The following PLD1 variants were observed in gnomAD, a reference collection of about 807,000 sequenced individuals.
The protein encoded by PLD1 is choline phosphatase 1.
In PLD1, 112 loss-of-function variants were observed where a neutral mutation model predicts 137.1. That is an observed-to-expected ratio of 0.82 (90% confidence interval 0.70 to 0.96). PLD1 has a LOEUF of 0.96. Among genes scored for constraint, PLD1 ranks in the 40% least tolerant of loss-of-function variants. PLD1 has a pLI of 0.00. For synonymous variants in PLD1, 431 were observed against 454.7 expected, an observed-to-expected ratio of 0.95 and a Z score of 0.66; for missense variants, 1,321 against 1,342.0, an observed-to-expected ratio of 0.98 and a Z score of 0.24.
intron 1 of PLD1, among the ~76,000 whole-genome samples, chr3:171,794,151 A>AT (rs1578479182): frequency 6.6e-6 from 1 of 152,042 alleles, no homozygotes; most frequent in Non-Finnish European, 1.5e-5. Flanking sequence ...TCTCAAAAAA[A>AT]AAAAAAGAAA....
intron 1 of PLD1, among the ~76,000 whole-genome samples, chr3:171,783,698 A>C (rs777518594): frequency 1.2e-4 from 18 of 152,248 alleles, no homozygotes; most frequent in Middle Eastern, 3.4e-3. Context: ...GCTGGAGTAC[A>C]GTAGTACAAT....
chr3:171,743,911 T>G (rs1719954216), intron 1 of PLD1, among the ~76,000 whole-genome samples: 1 of 152,196 alleles, frequency 6.6e-6, no homozygotes, highest in Admixed American at 6.5e-5. Context: ...ACATAATCAA[T>G]GAGCTGTCCA....
intron 1 of PLD1, among the ~76,000 whole-genome samples, 184 bp from the exon 2 acceptor site, chr3:171,738,266 T>C (rs528816837): frequency 6.6e-6 from 1 of 151,778 alleles, no homozygotes; most frequent in South Asian, 2.1e-4. Context: ...GATTCCTAAC[T>C]TGTAAATTAA....
chr3:171,605,515 T>A, intron 25 of PLD1, 99 bp from the exon 26 acceptor site: 1 of 721,958 alleles, frequency 1.4e-6, no homozygotes, highest in Non-Finnish European at 2.5e-6. Flanking sequence ...CAAATATATA[T>A]ATGCAAATTA....
chr3:171,659,200 CA>C lies in PLD1; in HGVS notation c.2429+12del. On this transcript the variant is annotated intron_variant, in intron 21 of 26. Transcript: ENST00000351298. ...AACATCTGCAGCGAGAACTCTCAGC[CA>C]AAGGCTGTTACCTGTGAGCTTTCAG... 6.3e-7 allele frequency: 1 copy of C among 1,579,514 alleles called. No homozygotes were observed. Among genetic ancestry groups the C allele is most frequent in the Non-Finnish European group, 8.7e-7 (1 of 1,148,688 alleles).
intron 1 of PLD1, among the ~76,000 whole-genome samples, chr3:171,757,251 G>A (rs541443888): frequency 1.5e-4 from 23 of 152,198 alleles, no homozygotes; most frequent in African/African-American, 5.5e-4. Flanking sequence ...ATCATACTGG[G>A]AACTATTATC....
At chr3:171,635,896 T>G (rs1230886015) in intron 23 of PLD1, among the ~76,000 whole-genome samples, 1 of 151,330 alleles carries the variant, frequency 6.6e-6, no homozygotes, top group Non-Finnish European at 1.5e-5. Context: ...TAGTTTTAGT[T>G]TTTACATTTA....
intron 8 of PLD1, among the ~76,000 whole-genome samples, chr3:171,718,040 A>G (rs1717805258): frequency 6.6e-6 from 1 of 152,232 alleles, no homozygotes; most frequent in African/African-American, 2.4e-5. Context: ...ATCAATTTGC[A>G]TATGTTGAAC....
chr3:171,665,705 GA>G lies in PLD1; in HGVS notation c.2230-3536del, dbSNP rs56307995. 4.5e-3 allele frequency among the ~76,000 whole-genome samples: 584 copies of G among 130,454 alleles called. 2 individuals carry two copies. The highest frequency in any genetic ancestry group is 0.015 in the Middle Eastern group (4 of 266). 85.6% of individuals were successfully genotyped at this position (130,454 alleles called of 152,430 possible). ...CCAATAGTGAAACTGCGTCTCAAAA[GA>G]AAAAAAAAAAAGACCATTTTATATA... On this transcript the variant is annotated intron_variant, in intron 19 of 26. Coordinates refer to ENST00000351298, the MANE Select transcript of PLD1 (RefSeq NM_002662.5).
At chr3:171,639,256 A>G (rs965106019) in intron 23 of PLD1, among the ~76,000 whole-genome samples, 8 of 142,304 alleles carry the variant, frequency 5.6e-5, no homozygotes, top group Non-Finnish European at 1.2e-4. Context: ...AATATATAAC[A>G]TATAAGTAAT....
chr3:171,737,979 T>C lies in PLD1; in HGVS notation c.73A>G (p.Ile25Val). 1 of 1,614,054 alleles carries C rather than the reference T, an allele frequency of 6.2e-7. No individual in the cohort carries two copies. Among genetic ancestry groups the C allele is most frequent in the Non-Finnish European group, 8.5e-7 (1 of 1,179,926 alleles). ...AGTTCCCGCGTGTCCAGATTTTCTA[T>C]GATATTACTCATGTCAGCAGCAATT... The part of the protein sequence containing the change: ...QKIAADMSNI[I>V]ENLDTRELHF... Residue 25 changes from isoleucine (I) to valine (V), a missense_variant, in exon 2 of 27, where the codon ATA becomes GTA. Ile to Val is a conservative substitution (Grantham distance 29, BLOSUM62 3). Transcript: ENST00000351298.
chr3:171,808,644 A>T (rs1723972658), intron 1 of PLD1, among the ~76,000 whole-genome samples: 1 of 152,194 alleles, frequency 6.6e-6, no homozygotes, highest in Non-Finnish European at 1.5e-5. Flanking sequence ...TTTAATTAAG[A>T]AACACTAAGT....
chr3:171,775,660 T>C (rs760062503), intron 1 of PLD1, among the ~76,000 whole-genome samples: 11 of 152,056 alleles, frequency 7.2e-5, no homozygotes, highest in Non-Finnish European at 7.4e-5. Flanking sequence ...CTGGCCGACA[T>C]GGTGAAACCC....
At chr3:171,765,157 C>A (rs985171899) in intron 1 of PLD1, 1 of 151,980 alleles carries the variant, frequency 6.6e-6, no homozygotes, top group Admixed American at 6.6e-5. Context: ...TGTAGATATT[C>A]AAAAAACCAA....
intron 23 of PLD1, among the ~76,000 whole-genome samples, chr3:171,624,019 T>C (rs1733872045): frequency 1.3e-5 from 2 of 148,292 alleles, no homozygotes; most frequent in Non-Finnish European, 3.0e-5. Flanking sequence ...AAAAAAGATT[T>C]GTAAATTGGT....
In PLD1 at chr3:171,641,084, G is replaced by A. The variant is rs189169808; in HGVS notation, c.2593+1756C>T. ...ACAATGTGAGAACTGTGGGACATGGGAGCCTTAACCCTGATCTGCTCCCTC... is the reference window on the plus strand; with the variant it reads ...ACAATGTGAGAACTGTGGGACATGGAAGCCTTAACCCTGATCTGCTCCCTC... On this transcript the variant is annotated intron_variant, in intron 23 of 26. Transcript: ENST00000351298. 7.9e-5 allele frequency among the ~76,000 whole-genome samples: 12 copies of A among 152,316 alleles called. No individual in the cohort carries two copies. The East Asian group carries it at 2.1e-3, about 27-fold the overall frequency.
At chr3:171,638,397 C>A (rs1354695552) in intron 23 of PLD1, among the ~76,000 whole-genome samples, 1 of 152,112 alleles carries the variant, frequency 6.6e-6, no homozygotes, top group South Asian at 2.1e-4. Flanking sequence ...ATGACTGTGA[C>A]ATCATTTGGT....
chr3:171,692,699 C>G lies in PLD1; in HGVS notation c.1228-257G>C, dbSNP rs9871396. 0.061 allele frequency among the ~76,000 whole-genome samples: 9,204 copies of G among 151,898 alleles called. 877 individuals are homozygous for G. The highest frequency in any genetic ancestry group is 0.2 in the African/African-American group (8,455 of 41,372). ...CCACGCCCAGTTAATTTTTGTATTT[C>G]TAGTAGAGACAGGATTTCGCCATGT... On this transcript the variant is annotated intron_variant, in intron 12 of 26. Coordinates refer to ENST00000351298, the MANE Select transcript of PLD1 (RefSeq NM_002662.5).
chr3:171,738,432 T>C (rs898955747), intron 1 of PLD1, among the ~76,000 whole-genome samples: 13 of 152,126 alleles, frequency 8.5e-5, no homozygotes, highest in African/African-American at 3.1e-4. Context: ...AAGAAATAGA[T>C]TATTTGCTGT....
Sources: allele counts gnomAD v4.1 joint callset (sites outside exome capture counted in the v4.1 genomes callset), GRCh38; gene constraint gnomAD v4.1.1; transcripts MANE v1.5; gene names NCBI Gene and HGNC (gene_info 2026-07-23, HGNC 2026-07-21).